The following SPIRE2 variants were observed in gnomAD, a reference collection of about 807,000 sequenced individuals.
SPIRE2 encodes the protein protein spire homolog 2.
Under a neutral mutation model 80.7 loss-of-function variants are expected in SPIRE2, and 76 were observed. The ratio of observed to expected loss-of-function variants is 0.94; its 90% confidence interval spans 0.78 to 1.14. SPIRE2 has a LOEUF of 1.14. SPIRE2 is among the 50% of genes most tolerant of loss of function. SPIRE2 has a pLI of 0.00. For missense variants in SPIRE2, 1,196 were observed against 1,015.3 expected (o/e 1.18, Z -2.42); for synonymous variants, 535 against 432.6 (o/e 1.24, Z -2.94).
At chr16:89,859,943 G>A (rs1481266852) in intron 9 of SPIRE2, among the ~76,000 whole-genome samples, 3 of 152,336 alleles carry the variant, frequency 2.0e-5, no homozygotes, top group Middle Eastern at 3.4e-3. Context: ...CGGGACAATC[G>A]TGTTTGGTGC....
chr16:89,867,587 A>AT (rs71137685), intron 12 of SPIRE2, among the ~76,000 whole-genome samples: 57,186 of 139,466 alleles, frequency 0.41, 11,617 homozygotes, highest in Middle Eastern at 0.54. Flanking sequence ...TTTTACCACC[A>AT]TTTTTTTTTT....
chr16:89,851,993 G>A (rs1035101925), intron 3 of SPIRE2, among the ~76,000 whole-genome samples: 3 of 148,536 alleles, frequency 2.0e-5, no homozygotes, highest in Admixed American at 6.9e-5. Context: ...CAGCCCAAGC[G>A]TGTGCCAAGG....
At chr16:89,855,892 G>A in intron 6 of SPIRE2, 1 of 958,820 alleles carries the variant, frequency 1.0e-6, no homozygotes, top group South Asian at 1.7e-5. Flanking sequence ...TTCTGGGAAG[G>A]GGCCATGTGA....
intron 12 of SPIRE2, among the ~76,000 whole-genome samples, chr16:89,864,246 C>T (rs376010451): frequency 6.4e-4 from 98 of 152,250 alleles, no homozygotes; most frequent in African/African-American, 2.3e-3. Context: ...GCCGGACTCC[C>T]CAGATGGAGG....
At chr16:89,864,249 G>T (rs2041769726) in intron 12 of SPIRE2, among the ~76,000 whole-genome samples, 2 of 152,202 alleles carry the variant, frequency 1.3e-5, no homozygotes, top group Admixed American at 6.5e-5. Context: ...GGACTCCCCA[G>T]ATGGAGGAGG....
chr16:89,859,360 T>C lies in SPIRE2; in HGVS notation c.1462+6T>C. On this transcript the variant is annotated splice_donor_region_variant and intron_variant, in intron 9 of 14. Coordinates refer to ENST00000378247, the MANE Select transcript of SPIRE2 (RefSeq NM_032451.2). Reference sequence around the variant, plus strand: ...GCCCGGCTCCCGAGACCAGGGCAAGTGCTGCTTCTCACCCCCGTACCCTCC... The same window carrying C: ...GCCCGGCTCCCGAGACCAGGGCAAGCGCTGCTTCTCACCCCCGTACCCTCC... 13 of 1,543,090 alleles carry C rather than the reference T, an allele frequency of 8.4e-6. No individual in the cohort carries two copies. The highest frequency in any genetic ancestry group is 1.1e-5 in the Non-Finnish European group (13 of 1,148,838).
In SPIRE2 at chr16:89,860,764, C is replaced by G; in HGVS notation, c.1544C>G (p.Ser515Cys). The G allele has an allele frequency of 6.4e-7, 1 of 1,559,896 alleles. No individual in the cohort carries two copies. Among genetic ancestry groups the G allele is most frequent in the Non-Finnish European group, 8.7e-7 (1 of 1,154,576 alleles). ...RGSSGDRPEASMTPDAKHLWL... is the reference protein window; with the variant it reads ...RGSSGDRPEACMTPDAKHLWL... ...TCCTCGGGGGACAGACCCGAGGCCT[C>G]CATGACCCCCGATGCCAAACACCTG... Residue 515 changes from serine (S) to cysteine (C), a missense_variant, in exon 10 of 15, where the codon TCC becomes TGC. Ser to Cys is a moderately radical substitution (Grantham distance 112). Transcript: ENST00000378247.
At chr16:89,856,837 G>A (rs1173286643) in intron 7 of SPIRE2, among the ~76,000 whole-genome samples, 2 of 151,640 alleles carry the variant, frequency 1.3e-5, no homozygotes, top group Non-Finnish European at 2.9e-5. Flanking sequence ...GAGGCGGGAG[G>A]ATCACTTGAG....
intron 1 of SPIRE2, among the ~76,000 whole-genome samples, chr16:89,832,245 G>T (rs867038435): frequency 2.0e-5 from 3 of 152,260 alleles, no homozygotes; most frequent in Non-Finnish European, 4.4e-5. Context: ...GAGGAGCACC[G>T]TGGCCTCGAG....
At chr16:89,831,991 G>A (rs1189853412) in intron 1 of SPIRE2, among the ~76,000 whole-genome samples, 2 of 152,258 alleles carry the variant, frequency 1.3e-5, no homozygotes, top group African/African-American at 2.4e-5. Flanking sequence ...CACGTCCAGA[G>A]CTCTGCAGAG....
At chr16:89,832,883 A>C (rs1197718805) in intron 1 of SPIRE2, among the ~76,000 whole-genome samples, 1 of 151,638 alleles carries the variant, frequency 6.6e-6, no homozygotes, top group East Asian at 1.9e-4. Flanking sequence ...GTGCAATGGC[A>C]TGATCTCGGC....
intron 1 of SPIRE2, among the ~76,000 whole-genome samples, chr16:89,829,425 G>C (rs1475358358): frequency 6.6e-6 from 1 of 152,180 alleles, no homozygotes; most frequent in Non-Finnish European, 1.5e-5. Context: ...TACCCTTTAC[G>C]AAAAAAACCG....
chr16:89,845,397 A>G, intron 2 of SPIRE2, 32 bp downstream of exon 2: 1 of 1,576,036 alleles, frequency 6.3e-7, no homozygotes, highest in South Asian at 1.1e-5. Flanking sequence ...GTATTACTTG[A>G]TGTGTGTTAA....
chr16:89,845,017 A>C (rs1375494725), intron 1 of SPIRE2, among the ~76,000 whole-genome samples: 3 of 152,172 alleles, frequency 2.0e-5, no homozygotes, highest in Non-Finnish European at 2.9e-5. Context: ...AGTGGTCACC[A>C]TGGAGGGGCT....
intron 1 of SPIRE2, among the ~76,000 whole-genome samples, chr16:89,834,434 C>T (rs1359631596): frequency 6.4e-4 from 78 of 122,674 alleles, no homozygotes; most frequent in East Asian, 1.4e-3. Context: ...GGTTGGCCAT[C>T]GTAGAAGCCT....
At chr16:89,838,850 T>A (rs2041476216) in intron 1 of SPIRE2, among the ~76,000 whole-genome samples, 1 of 151,984 alleles carries the variant, frequency 6.6e-6, no homozygotes, top group Non-Finnish European at 1.5e-5. Flanking sequence ...TCTTGGGTTT[T>A]CTCCGCACAA....
rs573196905 is a variant in SPIRE2 at position 89,850,442 on chromosome 16, G to A, written c.427G>A (p.Gly143Ser). The A allele has an allele frequency of 9.6e-6, 15 of 1,569,434 alleles. No individual in the cohort carries two copies. Among genetic ancestry groups the A allele is most frequent in the East Asian group, 6.9e-5 (3 of 43,512 alleles). ...CAACGACAGCGAGGACAGCGGCTGC[G>A]GTGCCGCCGATGAGGGCTACGGGGG... ...ANNDSEDSGCGAADEGYGGPE... is the reference protein window; with the variant it reads ...ANNDSEDSGCSAADEGYGGPE... Residue 143 changes from glycine (G) to serine (S), a missense_variant, in exon 3 of 15, where the codon GGT (glycine) becomes AGT (serine). Coordinates refer to ENST00000378247, the MANE Select transcript of SPIRE2 (RefSeq NM_032451.2).
At chr16:89,851,772 G>A (rs1179886969) in intron 3 of SPIRE2, among the ~76,000 whole-genome samples, 1 of 152,084 alleles carries the variant, frequency 6.6e-6, no homozygotes, top group East Asian at 1.9e-4. Context: ...GCCAGGCCTT[G>A]GAGAGGCAGG....
At chr16:89,835,730 A>C (rs1437436878) in intron 1 of SPIRE2, among the ~76,000 whole-genome samples, 1 of 152,182 alleles carries the variant, frequency 6.6e-6, no homozygotes, top group African/African-American at 2.4e-5. Flanking sequence ...AATTAGGCAA[A>C]TCAGCCCGTG....
Sources: allele counts gnomAD v4.1 joint callset (sites outside exome capture counted in the v4.1 genomes callset), GRCh38; gene constraint gnomAD v4.1.1; transcripts MANE v1.5; gene names NCBI Gene and HGNC (gene_info 2026-07-23, HGNC 2026-07-21).